Variants in PPIL2 observed in about 807,000 individuals in gnomAD.
The protein encoded by PPIL2 is peptidylprolyl isomerase like 2, also known as RING-type E3 ubiquitin-protein ligase PPIL2.
PPIL2 carries 50 observed loss-of-function variants against 75.2 expected under a neutral mutation model. That is an observed-to-expected ratio of 0.66 (90% CI 0.53 to 0.84). The LOEUF is 0.84. PPIL2 is among the 40% of genes least tolerant of loss of function. PPIL2 has a pLI of 0.00. For missense variants in PPIL2, 590 were observed against 685.0 expected, an observed-to-expected ratio of 0.86 and a Z score of 1.55; for synonymous variants, 245 against 258.8, an observed-to-expected ratio of 0.95 and a Z score of 0.51.
chr22:21,673,123 C>T (rs566361674), intron 5 of PPIL2, among the ~76,000 whole-genome samples: 113 of 152,298 alleles, frequency 7.4e-4, no homozygotes, highest in African/African-American at 2.4e-3. Flanking sequence ...GACTAAAGCC[C>T]GTGGCTTTTC....
At chr22:21,686,726 G>A (rs1416237085) in intron 11 of PPIL2, among the ~76,000 whole-genome samples, 166 bp from the exon 12 acceptor site, 1 of 152,180 alleles carries the variant, frequency 6.6e-6, no homozygotes, top group Non-Finnish European at 1.5e-5. Context: ...CCATGAGGCT[G>A]GGGTGAGCCT....
At chr22:21,679,199 G>A (rs1210412) in intron 6 of PPIL2, among the ~76,000 whole-genome samples, 149,119 of 152,140 alleles carry the variant, frequency 0.98, 73,162 homozygotes, top group African/African-American at 1. Flanking sequence ...CCCAGCCCCA[G>A]CTACTTTTTT....
chr22:21,667,446 G>A (rs1038134932), intron 1 of PPIL2, among the ~76,000 whole-genome samples: 6 of 151,376 alleles, frequency 4.0e-5, no homozygotes, highest in African/African-American at 7.3e-5. Flanking sequence ...GTGAGCCACC[G>A]CGTCTGGGCA....
chr22:21,684,711 A>C (rs1251767808), intron 9 of PPIL2, 42 bp from the exon 10 acceptor site: 1 of 1,606,352 alleles, frequency 6.2e-7, no homozygotes, highest in East Asian at 2.2e-5. Context: ...TGGGGAGGCT[A>C]CTGGGGGCTC....
intron 6 of PPIL2, among the ~76,000 whole-genome samples, chr22:21,676,986 GC>G (rs998445627): frequency 1.3e-5 from 2 of 150,210 alleles, no homozygotes; most frequent in South Asian, 2.1e-4. Flanking sequence ...GGCGGGGGCT[GC>G]CCCCCACCTC....
intron 1 of PPIL2, among the ~76,000 whole-genome samples, chr22:21,666,337 G>T (rs903055672): frequency 6.6e-6 from 1 of 152,164 alleles, no homozygotes. Flanking sequence ...CTCCGATGAC[G>T]TCAGCTGCGG....
rs34861942 is a variant in PPIL2, at chr22:21,693,825, G to A, written c.1149G>A (p.Thr383=). Residue 383 remains threonine (T), a synonymous_variant, in exon 16 of 20, where the codon ACG becomes ACA. Coordinates refer to ENST00000398831, the MANE Select transcript of PPIL2 (RefSeq NM_014337.4). ...CAGCCCTCCTCCCCAGCTTCATCAC[G>A]TTTCGCTCCTGTGCCTACCTGGACA... ...PNSNRSQFFI[T]FRSCAYLDKK... 1.5e-3 allele frequency: 2,366 copies of A among 1,541,520 alleles called. 33 individuals are homozygous for A. The African/African-American group carries it at 0.029, about 19-fold the overall frequency.
At chr22:21,668,813 G>A (rs1247558853) in intron 1 of PPIL2, among the ~76,000 whole-genome samples, 4 of 147,210 alleles carry the variant, frequency 2.7e-5, no homozygotes, top group Admixed American at 6.9e-5. Flanking sequence ...CCGGGTTCAT[G>A]CCATTCTCCT....
Position 21,675,037 on chromosome 22 carries a change from A to T in PPIL2, c.244-27A>T, listed in dbSNP as rs561853333. On this transcript the variant is annotated intron_variant, in intron 5 of 19. Coordinates refer to ENST00000398831, the MANE Select transcript of PPIL2 (RefSeq NM_014337.4). Reference sequence around the variant, plus strand: ...GTGCATCAGTTACTTATTCATTATCATTAATTATTAACTGTGCTTCTTCCA... The same window carrying T: ...GTGCATCAGTTACTTATTCATTATCTTTAATTATTAACTGTGCTTCTTCCA... 6 of 1,587,038 alleles carry T rather than the reference A, an allele frequency of 3.8e-6. No individual in the cohort carries two copies. In the South Asian group the frequency reaches 5.5e-5, roughly 15 times the overall value.
intron 6 of PPIL2, among the ~76,000 whole-genome samples, chr22:21,679,300 C>A (rs1298957784): frequency 2.0e-5 from 3 of 151,810 alleles, no homozygotes; most frequent in Non-Finnish European, 4.4e-5. Flanking sequence ...CGTCAGCATC[C>A]CCCCACCAAA....
intron 11 of PPIL2, 113 bp downstream of exon 11, chr22:21,686,671 G>A: frequency 8.5e-7 from 1 of 1,175,220 alleles, no homozygotes; most frequent in Non-Finnish European, 1.2e-6. Flanking sequence ...ACTGTCACCT[G>A]AGCCCCTAGT....
chr22:21,677,076 G>A (rs1240697910), intron 6 of PPIL2, among the ~76,000 whole-genome samples: 1 of 149,970 alleles, frequency 6.7e-6, no homozygotes, highest in Non-Finnish European at 1.5e-5. Context: ...GGGCGGAGAC[G>A]CTCCTCACTT....
At chr22:21,676,976 G>C (rs2066889364) in intron 6 of PPIL2, among the ~76,000 whole-genome samples, 2 of 150,330 alleles carry the variant, frequency 1.3e-5, no homozygotes, top group African/African-American at 4.9e-5. Flanking sequence ...GCGGCGGCCA[G>C]GCGGGGGCTG....
At chr22:21,694,898 G>C (rs764952277) in intron 18 of PPIL2, 39 bp from the exon 19 acceptor site, 1 of 1,606,570 alleles carries the variant, frequency 6.2e-7, no homozygotes, top group Non-Finnish European at 8.5e-7. Context: ...TGTCCTGCCC[G>C]AGGTGCTGCC....
rs45621440 is a variant in PPIL2 at position 21,696,818 on chromosome 22, C to A, written c.*1328C>A. The A allele has an allele frequency of 3.5e-3, 5,386 of 1,556,250 alleles. 15 individuals are homozygous for A. Among genetic ancestry groups the A allele is most frequent in the Middle Eastern group, 4.0e-3 (24 of 6,004 alleles). On this transcript the variant is annotated 3_prime_UTR_variant, in exon 20 of 20. Coordinates refer to ENST00000398831, the MANE Select transcript of PPIL2 (RefSeq NM_014337.4). Reference sequence around the variant, plus strand: ...GATGCTGAAGCTGCAGGCCTGAGCCCTTTGTCTCCCTGGATGCTGGGTGGC... The same window carrying A: ...GATGCTGAAGCTGCAGGCCTGAGCCATTTGTCTCCCTGGATGCTGGGTGGC...
At chr22:21,692,883 G>A (rs961368610) in intron 15 of PPIL2, among the ~76,000 whole-genome samples, 1 of 148,024 alleles carries the variant, frequency 6.8e-6, no homozygotes, top group Admixed American at 6.8e-5. Context: ...CCGACATCGC[G>A]CCACTGCACT....
intron 15 of PPIL2, among the ~76,000 whole-genome samples, chr22:21,692,315 T>C (rs553728700): frequency 5.9e-4 from 89 of 151,916 alleles, no homozygotes; most frequent in Middle Eastern, 3.4e-3. Flanking sequence ...GCCACACGCC[T>C]GGCTAATTTT....
At chr22:21,692,335 T>G (rs549361991) in intron 15 of PPIL2, among the ~76,000 whole-genome samples, 7 of 151,670 alleles carry the variant, frequency 4.6e-5, no homozygotes, top group Non-Finnish European at 1.0e-4. Context: ...TTTGTATTTT[T>G]AGTAGAGATG....
At chr22:21,688,162 A>AG in intron 14 of PPIL2, 56 bp downstream of exon 14, 5 of 1,606,842 alleles carry the variant, frequency 3.1e-6, no homozygotes, top group Non-Finnish European at 4.3e-6. Flanking sequence ...GTGGGGCATG[A>AG]GGGGGTAGCT....
Sources: allele counts gnomAD v4.1 joint callset (sites outside exome capture counted in the v4.1 genomes callset), GRCh38; gene constraint gnomAD v4.1.1; transcripts MANE v1.5; gene names NCBI Gene and HGNC (gene_info 2026-07-23, HGNC 2026-07-21).